Variants in PPP2R2B observed in about 807,000 individuals in gnomAD.
The protein encoded by PPP2R2B is serine/threonine-protein phosphatase 2A 55 kDa regulatory subunit B beta isoform.
Under a neutral mutation model 46.0 loss-of-function variants are expected in PPP2R2B, and 5 were observed. The ratio of observed to expected loss-of-function variants is 0.11; its 90% CI spans 0.06 to 0.23. The LOEUF is 0.23. Ranked by LOEUF, PPP2R2B falls within the 10% of genes least tolerant of loss-of-function variation. The probability of loss-of-function intolerance (pLI) is 1.00; values close to 1 mark genes in which losing one functional copy is unlikely to be tolerated. For synonymous variants in PPP2R2B, 215 were observed against 206.7 expected (o/e 1.04, Z -0.34); for missense variants, 367 against 575.0 (o/e 0.64, Z 3.70).
intron 1 of PPP2R2B, among the ~76,000 whole-genome samples, chr5:146,889,961 C>T (rs1038568316): frequency 1.2e-4 from 18 of 152,138 alleles, no homozygotes; most frequent in African/African-American, 4.3e-4. Flanking sequence ...TGCGACTTGC[C>T]CAGGTTACCT....
chr5:146,830,115 T>C (rs1758837524), intron 2 of PPP2R2B, among the ~76,000 whole-genome samples: 1 of 152,212 alleles, frequency 6.6e-6, no homozygotes, highest in African/African-American at 2.4e-5. Context: ...TTTTGTTATT[T>C]ATTTACATTT....
intron 7 of PPP2R2B, among the ~76,000 whole-genome samples, chr5:146,629,665 T>C (rs1561786190): frequency 1.3e-5 from 2 of 152,072 alleles, no homozygotes; most frequent in Admixed American, 6.6e-5. Flanking sequence ...CTCTCAATGA[T>C]CTAGACCCAG....
chr5:146,876,251 C>T (rs147252449), intron 2 of PPP2R2B, among the ~76,000 whole-genome samples: 64 of 152,168 alleles, frequency 4.2e-4, no homozygotes, highest in African/African-American at 1.3e-3. Flanking sequence ...ATAAGAACAA[C>T]GGTAATATCC....
chr5:146,618,038 C>T (rs1773353348), intron 7 of PPP2R2B, among the ~76,000 whole-genome samples: 1 of 152,038 alleles, frequency 6.6e-6, no homozygotes, highest in African/African-American at 2.4e-5. Context: ...ATGCCATTGC[C>T]CCCATCCCCA....
intron 2 of PPP2R2B, among the ~76,000 whole-genome samples, chr5:146,861,054 C>CTTTTTT (rs1211197915): frequency 2.0e-5 from 2 of 101,720 alleles, no homozygotes; most frequent in Admixed American, 1.1e-4. Context: ...TGAATTTTTT[C>CTTTTTT]TTTTTTTTTT....
intron 1 of PPP2R2B, among the ~76,000 whole-genome samples, chr5:147,030,266 C>T (rs557772150): frequency 6.6e-6 from 1 of 152,178 alleles, no homozygotes; most frequent in Admixed American, 6.5e-5. Context: ...GATATAACCC[C>T]CCAAATCATT....
chr5:146,788,576 C>A (rs1200768172), intron 2 of PPP2R2B, among the ~76,000 whole-genome samples: 5 of 152,120 alleles, frequency 3.3e-5, no homozygotes, highest in Admixed American at 2.6e-4. Flanking sequence ...ACTGAAAATA[C>A]AAATATTAGC....
intron 2 of PPP2R2B, among the ~76,000 whole-genome samples, chr5:146,850,800 T>C (rs1332430827): frequency 6.6e-6 from 1 of 152,168 alleles, no homozygotes; most frequent in Non-Finnish European, 1.5e-5. Context: ...CAGAGGGTCT[T>C]GTCACTCCAT....
At chr5:146,596,349 G>T (rs1018186934) in intron 8 of PPP2R2B, among the ~76,000 whole-genome samples, 2 of 152,128 alleles carry the variant, frequency 1.3e-5, no homozygotes, top group African/African-American at 4.8e-5. Flanking sequence ...TCCTTGCCCA[G>T]GGCAGGCATT....
intron 1 of PPP2R2B, among the ~76,000 whole-genome samples, chr5:147,003,791 C>A (rs1326218528): frequency 1.3e-5 from 2 of 152,116 alleles, no homozygotes; most frequent in African/African-American, 2.4e-5. Flanking sequence ...CAATGATGTC[C>A]ACCATAGCTC....
chr5:146,906,207 C>G (rs1025051253), intron 1 of PPP2R2B, among the ~76,000 whole-genome samples: 4 of 151,906 alleles, frequency 2.6e-5, no homozygotes, highest in Non-Finnish European at 2.9e-5. Context: ...TTAATATATT[C>G]TTATATTGAT....
intron 1 of PPP2R2B, among the ~76,000 whole-genome samples, chr5:147,010,999 A>ACTCAAAAC (rs1392870809): frequency 6.6e-6 from 1 of 152,122 alleles, no homozygotes; most frequent in Non-Finnish European, 1.5e-5. Flanking sequence ...AAAACCCTCC[A>ACTCAAAAC]GTGGCTGCCC....
At chr5:146,659,190 A>T (rs1236294427) in intron 5 of PPP2R2B, among the ~76,000 whole-genome samples, 1 of 152,238 alleles carries the variant, frequency 6.6e-6, no homozygotes, top group African/African-American at 2.4e-5. Flanking sequence ...TGAGGTATTT[A>T]AATCCCACTG....
chr5:146,698,404 TAATA>T (rs1779332854), intron 3 of PPP2R2B, among the ~76,000 whole-genome samples: 1 of 140,062 alleles, frequency 7.1e-6, no homozygotes, highest in Non-Finnish European at 1.5e-5. Context: ...ATAGTATACA[TAATA>T]CATACATAGA....
In PPP2R2B at chr5:146,588,180, T is replaced by C. The variant is rs950157448; in HGVS notation, c.*1767A>G. ...CTTTCCTTGCAGGAAAAATGAGAAATACTGAGAAAGTCTCGTCTTTGTTCC... is the reference window on the plus strand; with the variant it reads ...CTTTCCTTGCAGGAAAAATGAGAAACACTGAGAAAGTCTCGTCTTTGTTCC... On this transcript the variant is annotated 3_prime_UTR_variant, in exon 10 of 10. Transcript: ENST00000394411. The C allele has an allele frequency of 2.6e-5, 4 of 152,340 alleles. No individual in the cohort carries two copies. The East Asian group carries it at 7.7e-4, about 29-fold the overall frequency. The allele number at this position is 152,340 out of a possible 1,614,324, so 9.4% of individuals were successfully genotyped here. A position where few individuals can be genotyped will look rare whatever the true frequency, so the allele number is the denominator to read the frequency against.
At chr5:146,837,203 A>G (rs1436202095) in intron 2 of PPP2R2B, among the ~76,000 whole-genome samples, 2 of 152,208 alleles carry the variant, frequency 1.3e-5, no homozygotes, top group Non-Finnish European at 2.9e-5. Flanking sequence ...TCAGTACAGT[A>G]TTCAATAAGT....
At chr5:146,755,646 T>C (rs76752255) in intron 2 of PPP2R2B, among the ~76,000 whole-genome samples, 1,878 of 152,384 alleles carry the variant, frequency 0.012, 11 homozygotes, top group Non-Finnish European at 0.019. Flanking sequence ...AGCCAAGTTA[T>C]ATATTAATGC....
chr5:147,081,295 C>T, exon 1 of PPP2R2B: 1 of 1,535,632 alleles, frequency 6.5e-7, no homozygotes, highest in Non-Finnish European at 8.7e-7. Flanking sequence ...CTAGTGAGTC[C>T]TGAGAGGACG....
chr5:146,760,550 T>A (rs529912421), intron 2 of PPP2R2B, among the ~76,000 whole-genome samples: 1 of 152,216 alleles, frequency 6.6e-6, no homozygotes, highest in Non-Finnish European at 1.5e-5. Context: ...ATGTGATGAA[T>A]TATCAAACTA....
Sources: gnomAD v4.1 joint callset for allele counts (sites outside exome capture counted in the v4.1 genomes callset) on GRCh38, gnomAD v4.1.1 for gene constraint, MANE v1.5 for transcripts, NCBI Gene and HGNC (gene_info 2026-07-23, HGNC 2026-07-21) for gene names.